SEMA3D: variants seen among roughly 807,000 people sequenced by gnomAD.
The protein encoded by SEMA3D is semaphorin 3D, also known as semaphorin-3D.
SEMA3D carries 84 observed loss-of-function variants against 100.1 expected under a neutral mutation model. The observed-to-expected ratio is 0.84, with a 90% CI of 0.70 to 1.01. SEMA3D has a LOEUF of 1.01. SEMA3D is among the 50% of genes least tolerant of loss of function. SEMA3D has a pLI of 0.00. For missense variants in SEMA3D, 875 were observed against 934.1 expected, an observed-to-expected ratio of 0.94 and a Z score of 0.82; for synonymous variants, 312 against 320.7, an observed-to-expected ratio of 0.97 and a Z score of 0.29.
intron 2 of SEMA3D, chr7:85,151,861 G>T: frequency 6.3e-6 from 2 of 317,860 alleles, no homozygotes; most frequent in South Asian, 1.3e-4. Flanking sequence ...ACCTTACTTT[G>T]ATAAAAATAA....
intron 2 of SEMA3D, among the ~76,000 whole-genome samples, chr7:85,124,452 G>T (rs1356631639): frequency 6.6e-6 from 1 of 151,522 alleles, no homozygotes; most frequent in Non-Finnish European, 1.5e-5. Context: ...ATATCTAATC[G>T]CTGACCATTT....
rs1174482308 is a variant in SEMA3D, at chr7:85,052,449, AAAAACTAAAACC to A, written c.861+3256_861+3267del. ...AACAAGATTTCACTGTTCTATAAAC[AAAAACTAAAACC>A]AAAACTAAAACCAAAACCAAAACAA... On this transcript the variant is annotated intron_variant, in intron 9 of 18. Transcript: ENST00000284136. 5.9e-5 allele frequency among the ~76,000 whole-genome samples: 9 copies of A among 152,002 alleles called. No individual in the cohort carries two copies. The East Asian group carries it at 1.2e-3, about 20-fold the overall frequency.
intron 6 of SEMA3D, among the ~76,000 whole-genome samples, chr7:85,071,736 G>A (rs1016765534): frequency 2.0e-5 from 3 of 152,166 alleles, no homozygotes; most frequent in Non-Finnish European, 2.9e-5. Context: ...ACAATGGTAA[G>A]CATTTGTGTA....
At chr7:85,072,826 A>G in intron 6 of SEMA3D, 136 bp downstream of exon 6, 1 of 666,512 alleles carries the variant, frequency 1.5e-6, no homozygotes, top group Non-Finnish European at 2.5e-6. Context: ...GAGTATTGGC[A>G]TTACAGGCAG....
chr7:85,206,137 TA>T, the SEMA3D span, among the ~76,000 whole-genome samples: 2 of 152,120 alleles, frequency 1.3e-5, no homozygotes. Context: ...GGTGCATGGT[TA>T]GGGGCATAGC....
chr7:85,055,178 AATGATAT>A (rs1791273738), intron 9 of SEMA3D, among the ~76,000 whole-genome samples: 5 of 152,250 alleles, frequency 3.3e-5, no homozygotes, highest in Admixed American at 3.3e-4. Context: ...TGATGCATGT[AATGATAT>A]ATAATTTTAC....
At chr7:85,151,562 A>G (rs561973704) in intron 2 of SEMA3D, 27 of 857,258 alleles carry the variant, frequency 3.1e-5, no homozygotes, top group East Asian at 1.2e-4. Context: ...GTTAAAATAG[A>G]GCACCGTAGT....
At chr7:85,230,478 T>A in the SEMA3D span, among the ~76,000 whole-genome samples, 1 of 152,184 alleles carries the variant, frequency 6.6e-6, no homozygotes, top group African/African-American at 2.4e-5. Context: ...TATTCTACAA[T>A]TATTCCTCAC....
At chr7:85,143,045 C>A in intron 2 of SEMA3D, 2 of 938,706 alleles carry the variant, frequency 2.1e-6, no homozygotes, top group Non-Finnish European at 2.5e-6. Flanking sequence ...ACTCATAATG[C>A]AATAATTATT....
At position 85,006,255 on chromosome 7, in the gene SEMA3D, G is replaced by A. The variant is rs549421335; in HGVS notation, c.1908+547C>T. Among the ~76,000 whole-genome samples the A allele has an allele frequency of 3.9e-5, 6 of 151,984 alleles. No individual in the cohort carries two copies. The East Asian group carries it at 1.2e-3, about 30-fold the overall frequency. On this transcript the variant is annotated intron_variant, in intron 18 of 18. Coordinates refer to ENST00000284136, the MANE Select transcript of SEMA3D (RefSeq NM_001384900.1). The stretch of plus-strand genomic sequence containing the variant: ...TGGGGGCTCAGGAACATTACCAAAG[G>A]TTTAAGGACCATGTTTCAACTCAAG...
At position 85,073,091 on chromosome 7, in the gene SEMA3D, A is replaced by C. The variant is rs767193389; in HGVS notation, c.376-10T>G. The stretch of plus-strand genomic sequence containing the variant: ...AATTTGCACATTCTGTCTGTTGGGC[A>C]CAAAAATTAAAAGCATTAACACACA... On this transcript the variant is annotated splice_polypyrimidine_tract_variant and intron_variant, in intron 5 of 18. Coordinates refer to ENST00000284136, the MANE Select transcript of SEMA3D (RefSeq NM_001384900.1). 6.2e-7 allele frequency: 1 copy of C among 1,611,070 alleles called. No individual in the cohort carries two copies. Among genetic ancestry groups the C allele is most frequent in the Non-Finnish European group, 8.5e-7 (1 of 1,179,180 alleles).
At chr7:85,128,750 A>G (rs1432251011) in intron 2 of SEMA3D, among the ~76,000 whole-genome samples, 1 of 151,768 alleles carries the variant, frequency 6.6e-6, no homozygotes, top group Non-Finnish European at 1.5e-5. Flanking sequence ...TTCATAATAA[A>G]ATGTACAGAA....
Position 85,028,404 on chromosome 7 carries a change from G to T in SEMA3D, c.1192-5791C>A. ...TTAGACAAAAAAAAAAAAAAAAAAAGGTTGGAGCTGAAAGAAATGTGCTAA... is the reference window on the plus strand; with the variant it reads ...TTAGACAAAAAAAAAAAAAAAAAAATGTTGGAGCTGAAAGAAATGTGCTAA... On this transcript the variant is annotated intron_variant, in intron 12 of 18. Coordinates refer to ENST00000284136, the MANE Select transcript of SEMA3D (RefSeq NM_001384900.1). 3 of 405,726 alleles carry T rather than the reference G, an allele frequency of 7.4e-6. No individual in the cohort carries two copies. In the South Asian group the frequency reaches 8.2e-5, roughly 11 times the overall value. The allele number at this position is 405,726 out of a possible 1,614,324, so 25.1% of individuals were successfully genotyped here. A position where few individuals can be genotyped will look rare whatever the true frequency, so the allele number is the denominator to read the frequency against.
intron 4 of SEMA3D, among the ~76,000 whole-genome samples, chr7:85,092,209 T>A (rs537461215): frequency 2.6e-5 from 4 of 152,206 alleles, no homozygotes; most frequent in Admixed American, 6.5e-5. Flanking sequence ...TTCCTCTCTC[T>A]GTATTTCTAC....
chr7:85,066,913 C>CACACACACACACACAGAGAG, intron 7 of SEMA3D, among the ~76,000 whole-genome samples: 25 of 127,758 alleles, frequency 2.0e-4, no homozygotes, highest in African/African-American at 6.9e-4. Flanking sequence ...CACACACACA[C>CACACACACACACACAGAGAG]AGAGAGAGAG....
chr7:85,211,917 A>G, the SEMA3D span, among the ~76,000 whole-genome samples: 1 of 152,160 alleles, frequency 6.6e-6, no homozygotes, highest in Non-Finnish European at 1.5e-5. Flanking sequence ...ACAAAAATAT[A>G]TGTGTTAATC....
intron 6 of SEMA3D, among the ~76,000 whole-genome samples, chr7:85,071,893 G>C (rs1158563616): frequency 6.6e-6 from 1 of 152,204 alleles, no homozygotes; most frequent in Non-Finnish European, 1.5e-5. Context: ...GGATGACATT[G>C]CACATCACCA....
intron 17 of SEMA3D, among the ~76,000 whole-genome samples, chr7:85,011,907 T>C (rs889248486): frequency 1.3e-5 from 2 of 151,670 alleles, no homozygotes; most frequent in African/African-American, 4.8e-5. Flanking sequence ...TTTAGTAACA[T>C]TGTGATAAAT....
chr7:85,132,316 A>G (rs1484871536), intron 2 of SEMA3D, among the ~76,000 whole-genome samples: 1 of 151,978 alleles, frequency 6.6e-6, no homozygotes, highest in Admixed American at 6.6e-5. Context: ...CTCCTAACTT[A>G]AAACATGGCA....
Sources: allele counts gnomAD v4.1 joint callset (sites outside exome capture counted in the v4.1 genomes callset), GRCh38; gene constraint gnomAD v4.1.1; transcripts MANE v1.5; gene names NCBI Gene and HGNC (gene_info 2026-07-23, HGNC 2026-07-21).